Variants in VSTM1 observed in about 807,000 individuals in gnomAD.
VSTM1 encodes V-set and transmembrane domain-containing protein 1.
Under a neutral mutation model 33.1 loss-of-function variants are expected in VSTM1, and 27 were observed. The observed-to-expected ratio is 0.82, with a 90% CI of 0.60 to 1.12. The LOEUF (loss-of-function observed/expected upper bound fraction) is 1.12, where lower values mean the gene tolerates loss of function less well. Ranked by LOEUF, VSTM1 falls within the 50% of genes most tolerant of loss-of-function variation. The pLI is 0.00. For missense variants in VSTM1, 304 were observed against 288.9 expected (o/e 1.05, Z -0.38); for synonymous variants, 115 against 110.3 (o/e 1.04, Z -0.27).
rs200864440 is a variant in VSTM1 at position 54,063,804 on chromosome 19, C to T, written c.-27G>A. The stretch of plus-strand genomic sequence containing the variant: ...GCGTCCCTTCTGCCAGAACCAAGGC[C>T]CCGCCTTGGGTTTTACCCTTCAAAG... On this transcript the variant is annotated 5_prime_UTR_variant, in exon 1 of 9. Coordinates refer to ENST00000338372, the MANE Select transcript of VSTM1 (RefSeq NM_198481.4). 68 of 1,613,192 alleles carry T rather than the reference C, an allele frequency of 4.2e-5. No homozygotes were observed. Among genetic ancestry groups the T allele is most frequent in the Admixed American group, 1.7e-4 (10 of 59,858 alleles).
In VSTM1 at chr19:54,057,373, G is replaced by A. The variant is rs370113948; in HGVS notation, c.355+933C>T. 2.1e-5 allele frequency among the ~76,000 whole-genome samples: 2 copies of A among 97,026 alleles called. 1 individual carries two copies. Among genetic ancestry groups the A allele is most frequent in the Non-Finnish European group, 4.6e-5 (2 of 43,082 alleles). 63.7% of individuals were successfully genotyped at this position (97,026 alleles called of 152,430 possible). On this transcript the variant is annotated intron_variant, in intron 3 of 8. Coordinates refer to ENST00000338372, the MANE Select transcript of VSTM1 (RefSeq NM_198481.4). ...CAACAAGTAATTTAAAAATTAGCCAGGCATGGTGGTGCTTGCCTGTACTCC... is the reference window on the plus strand; with the variant it reads ...CAACAAGTAATTTAAAAATTAGCCAAGCATGGTGGTGCTTGCCTGTACTCC...
At chr19:54,051,158 G>A (rs992526168) in intron 4 of VSTM1, among the ~76,000 whole-genome samples, 2 of 152,056 alleles carry the variant, frequency 1.3e-5, no homozygotes, top group African/African-American at 4.8e-5. Flanking sequence ...TGGGTGTGGT[G>A]GTGCGTGCCT....
chr19:54,051,261 C>T (rs2070826754), intron 4 of VSTM1, 149 bp downstream of exon 4: 2 of 754,750 alleles, frequency 2.6e-6, no homozygotes, highest in South Asian at 3.6e-5. Flanking sequence ...CACTGTACTC[C>T]AGCCTTGGTG....
chr19:54,056,209 C>CTTTTTTTTTTTTTTTTTTTTTT (rs879970929), intron 3 of VSTM1, among the ~76,000 whole-genome samples: 2 of 46,484 alleles, frequency 4.3e-5, no homozygotes, highest in African/African-American at 1.4e-4. Context: ...CTTTTCTTTT[C>CTTTTTTTTTTTTTTTTTTTTTT]TTTTCTTTTT....
In VSTM1 at chr19:54,042,346, T is replaced by C. The variant is rs1220622417; in HGVS notation, c.418A>G (p.Ile140Val). The C allele has an allele frequency of 3.1e-6, 5 of 1,613,556 alleles. No individual in the cohort carries two copies. The highest frequency in any genetic ancestry group is 2.7e-5 in the African/African-American group (2 of 74,834). The change falls in exon 5 of 9, where the codon ATC becomes GTC. Residue 140 changes from isoleucine to valine, a missense_variant. Coordinates refer to ENST00000338372, the MANE Select transcript of VSTM1 (RefSeq NM_198481.4). ...AGAAGGATGGAGATGCAGCTGAAGA[T>C]GGCGACAAAGATGGTTCTGGTGTCT... The part of the protein sequence containing the change: ...KTDTRTIFVA[I>V]FSCISILLLF...
rs189795828 is a variant in VSTM1, at chr19:54,058,172, A to G, written c.355+134T>C. 5.0e-3 allele frequency: 4,785 copies of G among 954,130 alleles called. 58 individuals carry two copies. Among genetic ancestry groups the G allele is most frequent in the African/African-American group, 0.031 (1,871 of 60,522 alleles). The allele number at this position is 954,130 out of a possible 1,614,324, so 59.1% of individuals were successfully genotyped here. The stretch of plus-strand genomic sequence containing the variant: ...GGAGAATTGCTTGAACCCAGGAGGC[A>G]GAAGTTGCAGTGAGCCGAGATCGTG... On this transcript the variant is annotated intron_variant, in intron 3 of 8. Transcript: ENST00000338372.
At chr19:54,046,017 A>G (rs1356384723) in intron 4 of VSTM1, among the ~76,000 whole-genome samples, 9 of 152,064 alleles carry the variant, frequency 5.9e-5, no homozygotes, top group African/African-American at 9.7e-5. Context: ...TATCATATCT[A>G]GTTATCTATC....
At chr19:54,046,026 TCTA>T (rs1411706129) in intron 4 of VSTM1, among the ~76,000 whole-genome samples, 28 of 152,172 alleles carry the variant, frequency 1.8e-4, no homozygotes, top group Admixed American at 2.0e-4. Context: ...TAGTTATCTA[TCTA>T]CTTACTTATC....
At chr19:54,051,497 C>A in intron 3 of VSTM1, 49 bp from the exon 4 acceptor site, 2 of 1,517,372 alleles carry the variant, frequency 1.3e-6, no homozygotes, top group Non-Finnish European at 1.8e-6. Flanking sequence ...ATACAGGAAC[C>A]TTGGGGACAG....
intron 4 of VSTM1, among the ~76,000 whole-genome samples, chr19:54,044,068 C>T (rs937368852): frequency 1.5e-4 from 23 of 152,086 alleles, no homozygotes; most frequent in Admixed American, 1.5e-3. Flanking sequence ...CCACGCCCAG[C>T]CAACTTCAAA....
chr19:54,041,095 G>C lies in VSTM1; in HGVS notation c.592-15C>G. 6.4e-7 allele frequency: 1 copy of C among 1,565,368 alleles called. No homozygotes were observed. The highest frequency in any genetic ancestry group is 8.6e-7 in the Non-Finnish European group (1 of 1,161,212). The stretch of plus-strand genomic sequence containing the variant: ...GGGTCTGCCGTCTTTGGAGAAAATA[G>C]ATGAATATTAGAACTGAGTGTTCAA... On this transcript the variant is annotated splice_polypyrimidine_tract_variant and intron_variant, in intron 8 of 8. Transcript: ENST00000338372.
intron 4 of VSTM1, among the ~76,000 whole-genome samples, chr19:54,045,987 G>A (rs889764766): frequency 2.0e-5 from 3 of 151,396 alleles, no homozygotes; most frequent in Non-Finnish European, 4.4e-5. Context: ...CTTACCTATC[G>A]TCTATTTATC....
At chr19:54,043,011 C>G (rs1403850826) in intron 4 of VSTM1, among the ~76,000 whole-genome samples, 2 of 151,078 alleles carry the variant, frequency 1.3e-5, no homozygotes, top group Non-Finnish European at 3.0e-5. Flanking sequence ...CCACATCTGT[C>G]TGTGTAATCA....
At chr19:54,046,668 A>G (rs1388313814) in intron 4 of VSTM1, among the ~76,000 whole-genome samples, 1 of 150,968 alleles carries the variant, frequency 6.6e-6, no homozygotes, top group Non-Finnish European at 1.5e-5. Flanking sequence ...GAACATTTGT[A>G]TCTCTTCTTT....
intron 4 of VSTM1, among the ~76,000 whole-genome samples, chr19:54,045,336 TTATC>T (rs1177236141): frequency 2.0e-5 from 3 of 152,156 alleles, no homozygotes; most frequent in Admixed American, 6.6e-5. Flanking sequence ...TAATTATGAT[TTATC>T]TATCTACCTA....
intron 1 of VSTM1, among the ~76,000 whole-genome samples, chr19:54,059,772 C>A (rs949453046): frequency 1.9e-4 from 29 of 151,948 alleles, no homozygotes; most frequent in African/African-American, 6.5e-4. Flanking sequence ...CCGTGCCCGG[C>A]CTGATTGCAG....
intron 3 of VSTM1, 80 bp downstream of exon 3, chr19:54,058,226 C>G: frequency 1.7e-6 from 2 of 1,195,176 alleles, no homozygotes; most frequent in Middle Eastern, 2.0e-4. Context: ...GGAGACACAG[C>G]AAGACTCTGT....
rs759061818 is a variant in VSTM1 at position 54,058,312 on chromosome 19, C to T, written c.349G>A (p.Val117Ile). 1.9e-6 allele frequency: 3 copies of T among 1,613,660 alleles called. No homozygotes were observed. The highest frequency in any genetic ancestry group is 1.7e-6 in the Non-Finnish European group (2 of 1,179,828). ...SESSEHLQLV[V>I]TDKHDELEAP... ...GTACATCTGCCCTTCTCACCTGTGA[C>T]CACCAGCTGCAAGTGTTCACTGCTT... The change falls in exon 3 of 9, where the codon GTC (valine) becomes ATC (isoleucine). Residue 117 changes from valine (V) to isoleucine (I), a missense_variant. Transcript: ENST00000338372.
chr19:54,042,811 TATATATATATATATATATATATATATAC>T (rs1234334020), intron 4 of VSTM1, among the ~76,000 whole-genome samples: 393 of 38,362 alleles, frequency 0.01, 4 homozygotes, highest in African/African-American at 0.03. Context: ...AATGTGTATA[TATATATATATATATATATATATATATAC>T]ATATATATAT....
Sources: allele counts gnomAD v4.1 joint callset (sites outside exome capture counted in the v4.1 genomes callset), GRCh38; gene constraint gnomAD v4.1.1; transcripts MANE v1.5; gene names NCBI Gene and HGNC (gene_info 2026-07-23, HGNC 2026-07-21).